TNFRSF11B: variants seen among roughly 807,000 people sequenced by gnomAD.
The protein encoded by TNFRSF11B is TNF receptor superfamily member 11b.
A neutral mutation model predicts 43.4 loss-of-function variants in TNFRSF11B; 16 were observed. The observed-to-expected ratio is 0.37, with a 90% CI of 0.25 to 0.56. The LOEUF (loss-of-function observed/expected upper bound fraction) is 0.56. Ranked by LOEUF, TNFRSF11B falls within the 20% of genes least tolerant of loss-of-function variation. The pLI, the probability that TNFRSF11B is intolerant of heterozygous loss-of-function variation, is 0.80. For missense variants in TNFRSF11B, 444 were observed against 490.1 expected, an observed-to-expected ratio of 0.91 and a Z score of 0.89; for synonymous variants, 185 against 181.8, an observed-to-expected ratio of 1.02 and a Z score of -0.14.
At chr8:118,938,583 A>G (rs1016599702) in intron 1 of TNFRSF11B, among the ~76,000 whole-genome samples, 1 of 152,158 alleles carries the variant, frequency 6.6e-6, no homozygotes. Context: ...GCATTGTCCA[A>G]AAGTAAGCCC....
In TNFRSF11B at chr8:118,924,267, C is replaced by T; in HGVS notation, c.*107G>A. ...TAGTACCCTGTGGCAAAATTAGTCA[C>T]TGGTAATGAGAAAGATATCACTGAA... On this transcript the variant is annotated 3_prime_UTR_variant, in exon 5 of 5. Coordinates refer to ENST00000297350, the MANE Select transcript of TNFRSF11B (RefSeq NM_002546.4). 7.4e-7 allele frequency: 1 copy of T among 1,357,798 alleles called. No homozygotes were observed. The highest frequency in any genetic ancestry group is 1.0e-6 in the Non-Finnish European group (1 of 958,198). The allele number at this position is 1,357,798 out of a possible 1,614,324, so 84.1% of individuals were successfully genotyped here. A position where few individuals can be genotyped will look rare whatever the true frequency, so the allele number is the denominator to read the frequency against.
chr8:118,927,514 T>G (rs139570608), intron 3 of TNFRSF11B, among the ~76,000 whole-genome samples: 1 of 151,266 alleles, frequency 6.6e-6, no homozygotes, highest in East Asian at 1.9e-4. Context: ...AAAGAGAATG[T>G]TAAAATTTGA....
chr8:118,925,226 G>C lies in TNFRSF11B; in HGVS notation c.818-464C>G, dbSNP rs556779159. ...TAGCACCAGAGGACTACCTCCATGA[G>C]GAGGATATCTGAAAACTCAAAGACA... is the stretch of plus-strand genomic sequence containing the variant. On this transcript the variant is annotated intron_variant, in intron 4 of 4. Transcript: ENST00000297350. Among the ~76,000 whole-genome samples, 327 of 152,296 alleles carry C rather than the reference G, an allele frequency of 2.1e-3. 1 individual carries two copies. Among genetic ancestry groups the C allele is most frequent in the Non-Finnish European group, 2.5e-3 (169 of 68,022 alleles).
intron 3 of TNFRSF11B, among the ~76,000 whole-genome samples, chr8:118,927,022 C>G (rs1301280495): frequency 6.6e-6 from 1 of 152,066 alleles, no homozygotes; most frequent in East Asian, 1.9e-4. Flanking sequence ...ATAATGAATA[C>G]AAACATTAAC....
intron 2 of TNFRSF11B, 60 bp from the exon 3 acceptor site, chr8:118,928,989 C>T (rs951659559): frequency 4.0e-6 from 6 of 1,497,956 alleles, no homozygotes; most frequent in Non-Finnish European, 4.6e-6. Context: ...AGCAGATGCC[C>T]TCTTAACACA....
intron 1 of TNFRSF11B, among the ~76,000 whole-genome samples, chr8:118,938,822 A>G (rs747543047): frequency 1.3e-5 from 2 of 152,198 alleles, no homozygotes; most frequent in Non-Finnish European, 2.9e-5. Context: ...AAAAGAATAC[A>G]CTTGGTCCAG....
In TNFRSF11B at chr8:118,928,733, A is replaced by T. The variant is rs1812282216; in HGVS notation, c.592+5T>A. 2 of 1,613,970 alleles carry T rather than the reference A, an allele frequency of 1.2e-6. No individual in the cohort carries two copies. The highest frequency in any genetic ancestry group is 2.2e-5 in the South Asian group (2 of 91,072). ...GTACAAAGACGTATTTTGGAATGTA[A>T]TTACCTATTCCACATTTTTGAGTTG... On this transcript the variant is annotated splice_donor_5th_base_variant and intron_variant, in intron 3 of 4. Coordinates refer to ENST00000297350, the MANE Select transcript of TNFRSF11B (RefSeq NM_002546.4).
At chr8:118,948,942 T>A (rs1475947510) in intron 1 of TNFRSF11B, among the ~76,000 whole-genome samples, 3 of 152,112 alleles carry the variant, frequency 2.0e-5, no homozygotes, top group Admixed American at 6.5e-5. Flanking sequence ...CCTGCCCACT[T>A]CTCCACCCCA....
chr8:118,944,134 G>A (rs762382628), intron 1 of TNFRSF11B, among the ~76,000 whole-genome samples: 53 of 152,224 alleles, frequency 3.5e-4, no homozygotes, highest in Middle Eastern at 6.8e-3. Context: ...AGTCAAGGCT[G>A]GTTGGGTCTT....
intron 1 of TNFRSF11B, among the ~76,000 whole-genome samples, chr8:118,934,770 CAA>C (rs1171973696): frequency 1.3e-5 from 2 of 152,064 alleles, no homozygotes; most frequent in Non-Finnish European, 2.9e-5. Context: ...TAATTTTTTC[CAA>C]ACTCTCTTTG....
At chr8:118,929,844 T>C (rs1812301951) in intron 2 of TNFRSF11B, among the ~76,000 whole-genome samples, 1 of 152,210 alleles carries the variant, frequency 6.6e-6, no homozygotes, top group Non-Finnish European at 1.5e-5. Context: ...CAAATGTAGA[T>C]TTTACAGGCC....
Position 118,932,459 on chromosome 8 carries a change from A to G in TNFRSF11B, c.400+472T>C, listed in dbSNP as rs565852041. On this transcript the variant is annotated intron_variant, in intron 2 of 4. Transcript: ENST00000297350. Reference sequence around the variant, plus strand: ...ATAATGAAATGCAATTCCCCTCACCATTCTCATTTTTTACATAATTAATTA... The same window carrying G: ...ATAATGAAATGCAATTCCCCTCACCGTTCTCATTTTTTACATAATTAATTA... Among the ~76,000 whole-genome samples, 21 of 152,216 alleles carry G rather than the reference A, an allele frequency of 1.4e-4. No individual in the cohort carries two copies. The South Asian group carries it at 4.1e-3, about 30-fold the overall frequency.
intron 1 of TNFRSF11B, among the ~76,000 whole-genome samples, chr8:118,940,638 A>C (rs1812473460): frequency 6.6e-6 from 1 of 152,220 alleles, no homozygotes; most frequent in African/African-American, 2.4e-5. Flanking sequence ...AGGAGGTAGG[A>C]AGTGGAAGAC....
At chr8:118,946,666 T>C (rs1462584483) in intron 1 of TNFRSF11B, among the ~76,000 whole-genome samples, 3 of 152,144 alleles carry the variant, frequency 2.0e-5, no homozygotes, top group Non-Finnish European at 2.9e-5. Context: ...ACTATCGATA[T>C]CAGAATTGTG....
chr8:118,929,671 AGAAAAACTT>A (rs1812298690), intron 2 of TNFRSF11B, among the ~76,000 whole-genome samples: 2 of 152,390 alleles, frequency 1.3e-5, no homozygotes, highest in East Asian at 3.9e-4. Flanking sequence ...AATCATTGGC[AGAAAAACTT>A]GAACCAGTCC....
chr8:118,929,047 C>CA, intron 2 of TNFRSF11B, 118 bp from the exon 3 acceptor site: 3 of 874,270 alleles, frequency 3.4e-6, no homozygotes, highest in Non-Finnish European at 5.5e-6. Flanking sequence ...TATTATGTTG[C>CA]ACAAAACTCT....
At position 118,928,819 on chromosome 8, in the gene TNFRSF11B, G is replaced by C. The variant is rs1233363349; in HGVS notation, c.511C>G (p.Leu171Val). ...RKHTNCSVFG[L>V]LLTQKGNATH... Reference sequence around the variant, plus strand: ...GCATTTCCTTTCTGAGTTAGCAGGAGACCAAAGACACTGCAATTTGTGTGT... The same window carrying C: ...GCATTTCCTTTCTGAGTTAGCAGGACACCAAAGACACTGCAATTTGTGTGT... Residue 171 changes from leucine to valine, a missense_variant, in exon 3 of 5, where the codon CTC becomes GTC. Leu to Val is a conservative substitution (Grantham distance 32). Transcript: ENST00000297350. 3.7e-6 allele frequency: 6 copies of C among 1,614,056 alleles called. No homozygotes were observed. The highest frequency in any genetic ancestry group is 5.1e-6 in the Non-Finnish European group (6 of 1,180,040).
intron 1 of TNFRSF11B, among the ~76,000 whole-genome samples, chr8:118,934,006 G>A (rs576847200): frequency 6.6e-6 from 1 of 152,104 alleles, no homozygotes; most frequent in Non-Finnish European, 1.5e-5. Flanking sequence ...TTTTAAAAAA[G>A]GAGAGAGAGC....
chr8:118,935,407 C>A (rs1812388673), intron 1 of TNFRSF11B, among the ~76,000 whole-genome samples: 1 of 152,110 alleles, frequency 6.6e-6, no homozygotes, highest in Admixed American at 6.5e-5. Context: ...ATGGTCCTTG[C>A]CTTCAAGTTC....
Sources: allele counts gnomAD v4.1 joint callset (sites outside exome capture counted in the v4.1 genomes callset), GRCh38; gene constraint gnomAD v4.1.1; transcripts MANE v1.5; gene names NCBI Gene and HGNC (gene_info 2026-07-23, HGNC 2026-07-21).